Variants in PTPRN2 observed in about 807,000 individuals in gnomAD.
PTPRN2 encodes the protein protein tyrosine phosphatase receptor type N2.
In PTPRN2, 74 loss-of-function variants were observed where a neutral mutation model predicts 118.8. That is an observed-to-expected ratio of 0.62 (90% CI 0.52 to 0.76). The LOEUF (loss-of-function observed/expected upper bound fraction) is 0.76, where lower values mean the gene tolerates loss of function less well. Among genes scored for constraint, PTPRN2 ranks in the 30% least tolerant of loss-of-function variants. The probability of loss-of-function intolerance (pLI) is 0.00; values close to 1 mark genes in which losing one functional copy is unlikely to be tolerated. For missense variants in PTPRN2, 1,481 were observed against 1,394.4 expected (o/e 1.06, Z -0.99); for synonymous variants, 641 against 608.0 (o/e 1.05, Z -0.80).
intron 1 of PTPRN2, among the ~76,000 whole-genome samples, chr7:158,568,786 T>TAA (rs796604440): frequency 6.8e-6 from 1 of 146,176 alleles, no homozygotes; most frequent in African/African-American, 2.5e-5. Flanking sequence ...AATGTTTAAA[T>TAA]AAAAAAAAAA....
chr7:158,436,454 A>G (rs1816580288), intron 2 of PTPRN2, among the ~76,000 whole-genome samples: 1 of 49,322 alleles, frequency 2.0e-5, no homozygotes, highest in Admixed American at 2.4e-4. Flanking sequence ...TTTTCCTAAG[A>G]GTCATCTGTT....
intron 13 of PTPRN2, among the ~76,000 whole-genome samples, chr7:157,682,164 C>T (rs965111681): frequency 2.6e-5 from 4 of 152,152 alleles, no homozygotes; most frequent in Non-Finnish European, 5.9e-5. Flanking sequence ...GCATCCTCCC[C>T]GGTTTCCAGC....
rs1030854584 is a variant in PTPRN2 at position 157,785,288 on chromosome 7, A to G, written c.1789-102351T>C. On this transcript the variant is annotated intron_variant, in intron 12 of 22. Coordinates refer to ENST00000389418, the MANE Select transcript of PTPRN2 (RefSeq NM_002847.5). The surrounding 1 kb of genome is among the most constrained non-coding windows in gnomAD (Gnocchi z 7.3). ...TGGGGCGCCAAGGCCAGTGGTGTAAATCCACACTCTATGGTGACGGTGGAT... is the reference window on the plus strand; with the variant it reads ...TGGGGCGCCAAGGCCAGTGGTGTAAGTCCACACTCTATGGTGACGGTGGAT... Among the ~76,000 whole-genome samples the G allele has an allele frequency of 1.3e-5, 2 of 152,168 alleles. No individual in the cohort carries two copies. The highest frequency in any genetic ancestry group is 6.5e-5 in the Admixed American group (1 of 15,290).
At chr7:158,168,519 A>C (rs1035529946) in intron 5 of PTPRN2, among the ~76,000 whole-genome samples, 24 of 152,306 alleles carry the variant, frequency 1.6e-4, no homozygotes, top group South Asian at 1.2e-3. Flanking sequence ...TCTCTCTTTC[A>C]GCAACCCTCA....
chr7:158,425,975 G>C (rs1384859542), intron 2 of PTPRN2, among the ~76,000 whole-genome samples: 33 of 101,458 alleles, frequency 3.3e-4, no homozygotes, highest in African/African-American at 3.8e-4. Flanking sequence ...TCCGAGACCA[G>C]CCTAGCTGGG....
At chr7:158,107,372 A>T (rs1322998555) in intron 10 of PTPRN2, among the ~76,000 whole-genome samples, 2 of 152,144 alleles carry the variant, frequency 1.3e-5, no homozygotes, top group Admixed American at 1.3e-4. Context: ...AAGCCACTCC[A>T]TACATTTCCA....
chr7:158,463,095 C>A (rs1227856280), intron 2 of PTPRN2, among the ~76,000 whole-genome samples: 1 of 122,782 alleles, frequency 8.1e-6, no homozygotes, highest in African/African-American at 3.1e-5. Context: ...ATGGGAGATG[C>A]CGACTTGGTC....
chr7:157,819,638 C>A (rs1381560901), intron 12 of PTPRN2, among the ~76,000 whole-genome samples: 1 of 152,022 alleles, frequency 6.6e-6, no homozygotes, highest in Non-Finnish European at 1.5e-5. Flanking sequence ...CAGCCCTCCC[C>A]ACCCCTACCT....
At chr7:158,389,639 G>A (rs546494499) in intron 2 of PTPRN2, among the ~76,000 whole-genome samples, 60 of 152,364 alleles carry the variant, frequency 3.9e-4, no homozygotes, top group African/African-American at 5.5e-4. Flanking sequence ...GGCTGCCGCC[G>A]TCACAAATGC....
chr7:157,790,020 A>G (rs371165180), intron 12 of PTPRN2, among the ~76,000 whole-genome samples: 8 of 102,452 alleles, frequency 7.8e-5, no homozygotes, highest in East Asian at 3.1e-4. Context: ...TGTGGTGTGA[A>G]TGTGTGTGTG....
At chr7:158,320,190 T>TACACACACAGCCTCCCTCACAC (rs1802884653) in intron 2 of PTPRN2, among the ~76,000 whole-genome samples, 1 of 22,230 alleles carries the variant, frequency 4.5e-5, no homozygotes, top group African/African-American at 2.0e-4. Context: ...GCCTCCCTCG[T>TACACACACAGCCTCCCTCACAC]ACACACACAG....
chr7:158,384,233 T>C (rs967784145), intron 2 of PTPRN2, among the ~76,000 whole-genome samples: 2 of 152,168 alleles, frequency 1.3e-5, no homozygotes, highest in African/African-American at 4.8e-5. Flanking sequence ...GAGGAGCTGG[T>C]AAGGGCCTGC....
At chr7:158,448,368 A>AC (rs1191858551) in intron 2 of PTPRN2, among the ~76,000 whole-genome samples, 2 of 151,620 alleles carry the variant, frequency 1.3e-5, no homozygotes, top group Admixed American at 6.6e-5. Flanking sequence ...TAGCATGAAA[A>AC]CCCCCCAAAA....
At chr7:158,300,076 C>G (rs1800776595) in intron 3 of PTPRN2, among the ~76,000 whole-genome samples, 1 of 152,084 alleles carries the variant, frequency 6.6e-6, no homozygotes, top group Non-Finnish European at 1.5e-5. Flanking sequence ...TTGTAGAAAC[C>G]TAGGATGTTT....
intron 5 of PTPRN2, among the ~76,000 whole-genome samples, chr7:158,188,336 TGGGGAAGGCCGCCACGCTCGCCGCCTG>T (rs1563577026): frequency 1.5e-4 from 5 of 33,934 alleles, no homozygotes; most frequent in Non-Finnish European, 2.2e-4. Flanking sequence ...CGCCCCCTGA[TGGGGAAGGCCGCCACGCTCGCCGCCTG>T]ATGGGGAAGG....
Position 158,263,177 on chromosome 7 carries a change from G to A in PTPRN2, c.277+53642C>T, listed in dbSNP as rs536280767. Among the ~76,000 whole-genome samples the A allele has an allele frequency of 1.1e-4, 16 of 150,460 alleles. No individual in the cohort carries two copies. The East Asian group carries it at 3.2e-3, about 30-fold the overall frequency. On this transcript the variant is annotated intron_variant, in intron 3 of 22. Transcript: ENST00000389418. ...ACACAGTCACACATTCACACACACT[G>A]CACACACATTCACACACACTGCACA...
intron 3 of PTPRN2, among the ~76,000 whole-genome samples, chr7:158,270,472 C>T (rs557605774): frequency 5.3e-4 from 81 of 152,232 alleles, no homozygotes; most frequent in African/African-American, 1.8e-3. Flanking sequence ...GACAGATGAG[C>T]CTCACTCACT....
chr7:157,996,888 ACCCAACCTCC>A (rs1804787009), intron 11 of PTPRN2, among the ~76,000 whole-genome samples: 1 of 151,978 alleles, frequency 6.6e-6, no homozygotes, highest in East Asian at 1.9e-4. Flanking sequence ...CCCTCAGGAG[ACCCAACCTCC>A]CTGACACATC....
rs1801787960 is a variant in PTPRN2 at position 157,964,718 on chromosome 7, G to GAGCTTGGC, written c.1724-65989_1724-65982dup. On this transcript the variant is annotated intron_variant, in intron 11 of 22. Coordinates refer to ENST00000389418, the MANE Select transcript of PTPRN2 (RefSeq NM_002847.5). This position sits in a 1 kb window ranked among gnomAD's most constrained non-coding sequence, Gnocchi z 9.0. The stretch of plus-strand genomic sequence containing the variant: ...TCATGGACTTGACCGACTCACCTCA[G>GAGCTTGGC]AGCTTGGCACTGGGTGCTCTGATTC... Among the ~76,000 whole-genome samples, 1 of 152,146 alleles carries GAGCTTGGC rather than the reference G, an allele frequency of 6.6e-6. No individual in the cohort carries two copies. Among genetic ancestry groups the GAGCTTGGC allele is most frequent in the Admixed American group, 6.5e-5 (1 of 15,278 alleles).
Sources: gnomAD v4.1 joint callset for allele counts (sites outside exome capture counted in the v4.1 genomes callset) on GRCh38, gnomAD v4.1.1 for gene constraint, Gnocchi (gnomAD v3.1) non-coding constraint, MANE v1.5 for transcripts, NCBI Gene and HGNC (gene_info 2026-07-23, HGNC 2026-07-21) for gene names.